Variants in NAA35 observed in about 807,000 individuals in gnomAD.
NAA35 encodes MAK10 homolog, amino-acid N-acetyltransferase subunit.
NAA35 carries 18 observed loss-of-function variants against 101.7 expected under a neutral mutation model. The observed-to-expected ratio is 0.18, with a 90% CI of 0.12 to 0.26. The LOEUF (loss-of-function observed/expected upper bound fraction) is 0.26. NAA35 is among the 10% of genes least tolerant of loss of function. NAA35 has a pLI of 1.00. For missense variants in NAA35, 601 were observed against 886.8 expected, an observed-to-expected ratio of 0.68 and a Z score of 4.09; for synonymous variants, 267 against 273.1, an observed-to-expected ratio of 0.98 and a Z score of 0.22.
At chr9:85,995,965 T>C (rs1475994980) in intron 11 of NAA35, among the ~76,000 whole-genome samples, 1 of 152,230 alleles carries the variant, frequency 6.6e-6, no homozygotes, top group African/African-American at 2.4e-5. Flanking sequence ...ATTATATAGC[T>C]AAGTTTGAAT....
rs558208790 is a variant in NAA35, at chr9:85,967,339, C to A, written c.516+5159C>A. On this transcript the variant is annotated intron_variant, in intron 6 of 22. Transcript: ENST00000361671. ...AAGGTTAAAAAAAGCAGCATTGTAG[C>A]CAACTGTGTAAAAATAAAACTGGAA... Among the ~76,000 whole-genome samples, 11 of 152,074 alleles carry A rather than the reference C, an allele frequency of 7.2e-5. No homozygotes were observed. The South Asian group carries it at 1.9e-3, about 26-fold the overall frequency.
chr9:86,009,776 C>A, intron 14 of NAA35, 89 bp from the exon 15 acceptor site: 1 of 887,174 alleles, frequency 1.1e-6, no homozygotes, highest in South Asian at 1.6e-5. Flanking sequence ...TTTTATTCAC[C>A]TTCTCTGTCA....
chr9:85,994,786 T>A (rs1188029590), intron 11 of NAA35, among the ~76,000 whole-genome samples: 1 of 151,724 alleles, frequency 6.6e-6, no homozygotes, highest in Non-Finnish European at 1.5e-5. Flanking sequence ...GCAAAAATAG[T>A]TAGATAGATG....
At chr9:86,016,015 A>AT (rs201589506) in intron 17 of NAA35, among the ~76,000 whole-genome samples, 1 of 151,588 alleles carries the variant, frequency 6.6e-6, no homozygotes, top group Non-Finnish European at 1.5e-5. Context: ...ATGCATATAT[A>AT]TTTTTATATA....
chr9:85,988,041 G>A (rs1226592561), intron 11 of NAA35, among the ~76,000 whole-genome samples: 2 of 152,210 alleles, frequency 1.3e-5, no homozygotes, highest in Non-Finnish European at 1.5e-5. Context: ...TGCTGTTGAT[G>A]TTTTAGTAGT....
chr9:85,972,210 A>G (rs565695423), intron 6 of NAA35, among the ~76,000 whole-genome samples: 1 of 152,136 alleles, frequency 6.6e-6, no homozygotes, highest in South Asian at 2.1e-4. Context: ...TGATTTTTTA[A>G]AAAAGGAAGA....
chr9:86,009,728 C>A, intron 14 of NAA35, 137 bp from the exon 15 acceptor site: 2 of 626,422 alleles, frequency 3.2e-6, no homozygotes, highest in African/African-American at 1.9e-5. Flanking sequence ...TAATCTAATA[C>A]TGAAATTCTT....
chr9:85,947,347 C>G, intron 2 of NAA35, among the ~76,000 whole-genome samples: 1 of 152,004 alleles, frequency 6.6e-6, no homozygotes, highest in East Asian at 1.9e-4. Context: ...CCCCACAGCC[C>G]CATCTGTGTG....
At chr9:85,943,744 TA>T (rs1264941509) in intron 2 of NAA35, among the ~76,000 whole-genome samples, 4 of 152,162 alleles carry the variant, frequency 2.6e-5, no homozygotes, top group African/African-American at 9.7e-5. Context: ...TAATCTCTAT[TA>T]GGGGGCTGTC....
chr9:85,959,499 G>T (rs1411283025), intron 4 of NAA35, among the ~76,000 whole-genome samples: 1 of 151,324 alleles, frequency 6.6e-6, no homozygotes, highest in Non-Finnish European at 1.5e-5. Context: ...TTGTTGATTT[G>T]GCTTTTCATT....
At chr9:85,968,367 C>G (rs1019070682) in intron 6 of NAA35, among the ~76,000 whole-genome samples, 2 of 152,124 alleles carry the variant, frequency 1.3e-5, no homozygotes, top group African/African-American at 4.8e-5. Flanking sequence ...CCCACCACCA[C>G]ACCTGGCTAA....
chr9:86,010,250 T>C (rs1564324190), intron 15 of NAA35, among the ~76,000 whole-genome samples: 1 of 150,814 alleles, frequency 6.6e-6, no homozygotes, highest in East Asian at 2.0e-4. Context: ...TCAATAACCA[T>C]AATAATAATA....
At position 86,018,296 on chromosome 9, in the gene NAA35, G is replaced by T; in HGVS notation, c.1815G>T (p.Pro605=). ...AFDMDGKVRK[P]KFELDSEQVR... ...ACATGGACGGCAAAGTACGTAAACC[G>T]AAGTTTGAGCTTGATAGTGAACAAG... Residue 605 remains proline (P), a synonymous_variant, in exon 20 of 23, where the codon CCG becomes CCT. Transcript: ENST00000361671. The T allele has an allele frequency of 2.5e-6, 4 of 1,613,788 alleles. No homozygotes were observed. Among genetic ancestry groups the T allele is most frequent in the Non-Finnish European group, 3.4e-6 (4 of 1,179,800 alleles).
intron 11 of NAA35, chr9:85,986,396 A>C (rs1830648237): frequency 8.5e-6 from 4 of 469,656 alleles, no homozygotes. Context: ...AAGTGTGTGC[A>C]GGCATGTAAT....
At chr9:85,957,730 A>C (rs1306672137) in intron 3 of NAA35, among the ~76,000 whole-genome samples, 1 of 152,118 alleles carries the variant, frequency 6.6e-6, no homozygotes, top group Non-Finnish European at 1.5e-5. Context: ...CTCAATTTTC[A>C]AGGTTAGGAA....
Position 86,024,395 on chromosome 9 carries a change from G to T in NAA35, c.*2435G>T, listed in dbSNP as rs1832692151. Among the ~76,000 whole-genome samples, 1 of 152,272 alleles carries T rather than the reference G, an allele frequency of 6.6e-6. No individual in the cohort carries two copies. Among genetic ancestry groups the T allele is most frequent in the East Asian group, 1.9e-4 (1 of 5,178 alleles). ...ATACCCAAAACCCTGGGAGGCCACAGGTTAAAGATTTTGGACTTTATTCTG... is the reference window on the plus strand; with the variant it reads ...ATACCCAAAACCCTGGGAGGCCACATGTTAAAGATTTTGGACTTTATTCTG... On this transcript the variant is annotated 3_prime_UTR_variant, in exon 23 of 23. Coordinates refer to ENST00000361671, the MANE Select transcript of NAA35 (RefSeq NM_024635.4).
chr9:85,971,604 C>T (rs1213467018), intron 6 of NAA35, among the ~76,000 whole-genome samples: 2 of 152,156 alleles, frequency 1.3e-5, no homozygotes, highest in Non-Finnish European at 2.9e-5. Context: ...CAAGTGAAAT[C>T]TGAAATCTCC....
At chr9:85,998,675 G>T (rs980906736) in intron 12 of NAA35, among the ~76,000 whole-genome samples, 2 of 152,110 alleles carry the variant, frequency 1.3e-5, no homozygotes, top group Non-Finnish European at 2.9e-5. Flanking sequence ...CAGCAGAAAA[G>T]CTTTTTAATT....
chr9:85,978,853 A>G (rs999980383), intron 11 of NAA35, among the ~76,000 whole-genome samples: 4 of 152,134 alleles, frequency 2.6e-5, no homozygotes, highest in African/African-American at 7.2e-5. Context: ...GACAGTTACC[A>G]TCTTTATTTA....
Sources: gnomAD v4.1 joint callset for allele counts (sites outside exome capture counted in the v4.1 genomes callset) on GRCh38, gnomAD v4.1.1 for gene constraint, MANE v1.5 for transcripts, NCBI Gene and HGNC (gene_info 2026-07-23, HGNC 2026-07-21) for gene names.